Variants in SNTG1 observed in about 807,000 individuals in gnomAD.
The protein encoded by SNTG1 is syntrophin gamma 1.
In SNTG1, 39 loss-of-function variants were observed where a neutral mutation model predicts 74.7. The observed-to-expected ratio is 0.52, with a 90% CI of 0.40 to 0.68. SNTG1 has a LOEUF of 0.68. Ranked by LOEUF, SNTG1 falls within the 30% of genes least tolerant of loss-of-function variation. The pLI is 0.00. For synonymous variants in SNTG1, 254 were observed against 217.1 expected (o/e 1.17, Z -1.49); for missense variants, 685 against 609.5 (o/e 1.12, Z -1.30).
intron 4 of SNTG1, among the ~76,000 whole-genome samples, chr8:50,403,232 G>T (rs1007977807): frequency 3.3e-5 from 5 of 152,156 alleles, no homozygotes; most frequent in Non-Finnish European, 5.9e-5. Context: ...GACTTACCTT[G>T]GAGTGTTTAG....
chr8:50,659,343 G>A (rs981932019), intron 15 of SNTG1, among the ~76,000 whole-genome samples: 2 of 152,132 alleles, frequency 1.3e-5, no homozygotes, highest in Non-Finnish European at 2.9e-5. Flanking sequence ...TTTAGGGTTT[G>A]TAGGCTTGGA....
chr8:50,732,973 G>A (rs961494822), intron 17 of SNTG1, among the ~76,000 whole-genome samples: 2 of 151,822 alleles, frequency 1.3e-5, no homozygotes, highest in African/African-American at 4.8e-5. Context: ...GGAGGCAAAT[G>A]TGCAGGTTTG....
At chr8:49,996,572 G>A (rs752654027) in intron 1 of SNTG1, among the ~76,000 whole-genome samples, 1 of 151,948 alleles carries the variant, frequency 6.6e-6, no homozygotes, top group African/African-American at 2.4e-5. Context: ...CTTTCTAATA[G>A]GACTTCTTAA....
chr8:50,587,595 C>A (rs1185327234), intron 12 of SNTG1, among the ~76,000 whole-genome samples: 1 of 152,028 alleles, frequency 6.6e-6, no homozygotes, highest in African/African-American at 2.4e-5. Context: ...GTGGCCGAGG[C>A]GGGCGGATCA....
chr8:50,435,773 A>AT, intron 4 of SNTG1, among the ~76,000 whole-genome samples: 1 of 152,180 alleles, frequency 6.6e-6, no homozygotes, highest in Non-Finnish European at 1.5e-5. Context: ...GTTTAATAAA[A>AT]CATTAAGATA....
chr8:50,730,857 C>A (rs189259438), intron 17 of SNTG1, among the ~76,000 whole-genome samples: 109 of 152,156 alleles, frequency 7.2e-4, no homozygotes, highest in Non-Finnish European at 1.2e-3. Context: ...GCTTACTGTT[C>A]TATTGGAAGA....
chr8:50,610,020 CT>C (rs1321009868), intron 13 of SNTG1, among the ~76,000 whole-genome samples: 5 of 152,120 alleles, frequency 3.3e-5, no homozygotes, highest in Admixed American at 6.5e-5. Context: ...ATCTCACTTT[CT>C]TCTTCGTTTT....
chr8:50,389,545 C>G (rs1587435051), intron 2 of SNTG1, among the ~76,000 whole-genome samples: 1 of 152,088 alleles, frequency 6.6e-6, no homozygotes, highest in East Asian at 1.9e-4. Flanking sequence ...AATAAACATA[C>G]GTGTGCATGT....
chr8:50,183,980 G>A (rs1159877319), intron 2 of SNTG1, among the ~76,000 whole-genome samples: 1 of 152,062 alleles, frequency 6.6e-6, no homozygotes, highest in Admixed American at 6.6e-5. Context: ...TACTATGAAG[G>A]AAATGTATAT....
At chr8:50,423,680 A>G (rs943390347) in intron 4 of SNTG1, among the ~76,000 whole-genome samples, 10 of 152,332 alleles carry the variant, frequency 6.6e-5, no homozygotes, top group Non-Finnish European at 1.3e-4. Flanking sequence ...ATAAATCAGT[A>G]AATTAAAGCT....
chr8:50,092,197 A>C (rs2079765703), intron 1 of SNTG1, among the ~76,000 whole-genome samples: 1 of 152,190 alleles, frequency 6.6e-6, no homozygotes, highest in Non-Finnish European at 1.5e-5. Flanking sequence ...AGGAGGACAT[A>C]GCAGGGACTT....
intron 1 of SNTG1, among the ~76,000 whole-genome samples, chr8:50,155,246 TAG>T (rs1172954059): frequency 6.6e-6 from 1 of 152,142 alleles, no homozygotes; most frequent in East Asian, 1.9e-4. Flanking sequence ...AAGAAAAGGA[TAG>T]AGAGTACAAA....
chr8:50,503,807 G>A (rs1473073889), intron 9 of SNTG1, among the ~76,000 whole-genome samples: 1 of 152,092 alleles, frequency 6.6e-6, no homozygotes, highest in Non-Finnish European at 1.5e-5. Flanking sequence ...ACTGTTCCCA[G>A]TATTTTGCTA....
intron 18 of SNTG1, 31 bp from the exon 19 acceptor site, chr8:50,792,640 G>A: frequency 6.4e-7 from 1 of 1,555,022 alleles, no homozygotes; most frequent in African/African-American, 1.4e-5. Flanking sequence ...TAATTTTTAT[G>A]TTATCTGACC....
chr8:49,953,309 C>A (rs1228914354), intron 1 of SNTG1, among the ~76,000 whole-genome samples: 1 of 152,212 alleles, frequency 6.6e-6, no homozygotes, highest in Non-Finnish European at 1.5e-5. Flanking sequence ...TCAGTCTTCT[C>A]TCCAGGGATC....
chr8:49,915,360 C>CA (rs984209886), intron 1 of SNTG1, among the ~76,000 whole-genome samples: 72 of 151,822 alleles, frequency 4.7e-4, no homozygotes, highest in Non-Finnish European at 8.1e-4. Flanking sequence ...ATTCATTCGT[C>CA]AAAAAAAATC....
intron 8 of SNTG1, among the ~76,000 whole-genome samples, chr8:50,462,796 C>CTTTTTTTTTTTTTTTT (rs869119447): frequency 5.2e-5 from 3 of 57,412 alleles, no homozygotes; most frequent in Non-Finnish European, 7.2e-5. Context: ...AGGTTCTACT[C>CTTTTTTTTTTTTTTTT]TTTTTTTTTT....
At chr8:50,182,271 T>C (rs2083233395) in intron 2 of SNTG1, among the ~76,000 whole-genome samples, 1 of 152,176 alleles carries the variant, frequency 6.6e-6, no homozygotes, top group African/African-American at 2.4e-5. Context: ...TCAGCTTTGA[T>C]ATAGATATGG....
intron 15 of SNTG1, among the ~76,000 whole-genome samples, chr8:50,669,809 C>G (rs1272927050): frequency 6.6e-6 from 1 of 152,076 alleles, no homozygotes; most frequent in African/African-American, 2.4e-5. Flanking sequence ...ACTGGCAAAC[C>G]AAATCCAGCA....
Sources: allele counts gnomAD v4.1 joint callset (sites outside exome capture counted in the v4.1 genomes callset), GRCh38; gene constraint gnomAD v4.1.1; transcripts MANE v1.5; gene names NCBI Gene and HGNC (gene_info 2026-07-23, HGNC 2026-07-21).